Variants in RBFOX1 observed in about 807,000 individuals in gnomAD.
RBFOX1 encodes the protein RNA binding protein fox-1 homolog 1.
RBFOX1 carries 8 observed loss-of-function variants against 57.7 expected under a neutral mutation model. The observed-to-expected ratio is 0.14, with a 90% CI of 0.08 to 0.25. RBFOX1 has a LOEUF of 0.25. Among genes scored for constraint, RBFOX1 ranks in the 10% least tolerant of loss-of-function variants. The pLI is 1.00. For synonymous variants in RBFOX1, 326 were observed against 222.4 expected (o/e 1.47, Z -4.15); for missense variants, 611 against 548.5 (o/e 1.11, Z -1.14).
At chr16:6,939,172 C>G (rs945931066) in intron 3 of RBFOX1, among the ~76,000 whole-genome samples, 5 of 152,108 alleles carry the variant, frequency 3.3e-5, no homozygotes, top group African/African-American at 1.2e-4. Flanking sequence ...GGAATTAGAA[C>G]TCAGGCCAAT....
At chr16:6,411,241 C>G (rs908972317) in intron 2 of RBFOX1, among the ~76,000 whole-genome samples, 4 of 152,258 alleles carry the variant, frequency 2.6e-5, no homozygotes, top group African/African-American at 9.6e-5. Context: ...TGGGACCTCC[C>G]AAAGCATTGG....
At chr16:7,013,517 C>T (rs1001778861) in intron 3 of RBFOX1, among the ~76,000 whole-genome samples, 1 of 152,042 alleles carries the variant, frequency 6.6e-6, no homozygotes, top group South Asian at 2.1e-4. Context: ...CAGGACAGTC[C>T]CCAAAGCAAA....
intron 1 of RBFOX1, among the ~76,000 whole-genome samples, chr16:5,336,132 T>A (rs1298328434): frequency 2.0e-5 from 3 of 152,110 alleles, no homozygotes; most frequent in African/African-American, 7.2e-5. Context: ...GGCTCGGAGT[T>A]CATCTGTCTT....
chr16:7,464,251 T>C (rs2060085388), intron 4 of RBFOX1, among the ~76,000 whole-genome samples: 1 of 152,178 alleles, frequency 6.6e-6, no homozygotes, highest in African/African-American at 2.4e-5. Context: ...TATATAATGG[T>C]GGACAGTTTA....
chr16:7,389,356 G>C (rs2097949019), intron 4 of RBFOX1, among the ~76,000 whole-genome samples: 1 of 152,066 alleles, frequency 6.6e-6, no homozygotes, highest in Non-Finnish European at 1.5e-5. Context: ...AAACCCCTGG[G>C]CTCAGGTAGT....
chr16:6,797,007 C>G lies in RBFOX1; in HGVS notation c.-16+142357C>G, dbSNP rs369606444. Among the ~76,000 whole-genome samples, 18 of 152,250 alleles carry G rather than the reference C, an allele frequency of 1.2e-4. No individual in the cohort carries two copies. In the East Asian group the frequency reaches 2.9e-3, roughly 25 times the overall value. On this transcript the variant is annotated intron_variant, in intron 3 of 15. Transcript: ENST00000550418. ...GAAAACATAAGATGCCACGGGCAGT[C>G]TAAATGTCAAGATTTGGACTGCTGG...
intron 2 of RBFOX1, among the ~76,000 whole-genome samples, chr16:5,487,423 G>A (rs146318203): frequency 6.6e-6 from 1 of 152,336 alleles, no homozygotes; most frequent in African/African-American, 2.4e-5. Flanking sequence ...TCTTGCAGAA[G>A]CTGACAGCAC....
At chr16:5,524,721 A>C (rs2044170812) in intron 2 of RBFOX1, among the ~76,000 whole-genome samples, 11 of 151,760 alleles carry the variant, frequency 7.2e-5, no homozygotes, top group Admixed American at 7.2e-4. Flanking sequence ...TTGTATTTTT[A>C]GTAGAGACAG....
chr16:6,029,644 G>A (rs756224098), intron 1 of RBFOX1, among the ~76,000 whole-genome samples: 19 of 151,870 alleles, frequency 1.3e-4, no homozygotes, highest in Middle Eastern at 3.2e-3. Flanking sequence ...GTGGTGGCGG[G>A]TGCCTGTAGT....
chr16:5,699,978 G>A (rs990468550), intron 3 of RBFOX1, among the ~76,000 whole-genome samples: 7 of 152,080 alleles, frequency 4.6e-5, no homozygotes, highest in South Asian at 4.2e-4. Flanking sequence ...GACTACAGGC[G>A]CCCGCCACCA....
In RBFOX1 at chr16:6,019,269, C is replaced by G. The variant is rs1472118441; in HGVS notation, c.-850C>G. The G allele has an allele frequency of 1.0e-6, 1 of 985,408 alleles. No individual in the cohort carries two copies. Among genetic ancestry groups the G allele is most frequent in the Non-Finnish European group, 1.2e-6 (1 of 830,110 alleles). 61.0% of individuals were successfully genotyped at this position (985,408 alleles called of 1,614,324 possible). ...TCCCTCGATCACCCCAGCCCCCTTCCTGGTCTCCCGAGCGCGGGGTTTGAA... is the reference window on the plus strand; with the variant it reads ...TCCCTCGATCACCCCAGCCCCCTTCGTGGTCTCCCGAGCGCGGGGTTTGAA... On this transcript the variant is annotated 5_prime_UTR_variant, in exon 1 of 16. Coordinates refer to ENST00000550418, the MANE Select transcript of RBFOX1 (RefSeq NM_018723.4). This position sits in a 1 kb window ranked among gnomAD's most constrained non-coding sequence, Gnocchi z 4.2.
chr16:6,161,118 G>T lies in RBFOX1; in HGVS notation c.-127+141126G>T, dbSNP rs149334533. 5.4e-4 allele frequency among the ~76,000 whole-genome samples: 83 copies of T among 152,330 alleles called. 1 individual carries two copies. Among genetic ancestry groups the T allele is most frequent in the Non-Finnish European group, 1.0e-3 (70 of 68,034 alleles). ...GAGAAGTGATCACTGGCTGGGCACA[G>T]TGACTCATGCTTGTCATCCCAGCAC... On this transcript the variant is annotated intron_variant, in intron 1 of 15. Coordinates refer to ENST00000550418, the MANE Select transcript of RBFOX1 (RefSeq NM_018723.4).
chr16:7,137,197 C>T (rs1160987774), intron 4 of RBFOX1, among the ~76,000 whole-genome samples: 2 of 152,192 alleles, frequency 1.3e-5, no homozygotes, highest in Admixed American at 1.3e-4. Flanking sequence ...ACTGAGCTAG[C>T]TGGACTCTTC....
chr16:6,773,186 G>GTA (rs2078684974), intron 3 of RBFOX1, among the ~76,000 whole-genome samples: 1 of 143,092 alleles, frequency 7.0e-6, no homozygotes, highest in Non-Finnish European at 1.5e-5. Flanking sequence ...GTGTGTGTGT[G>GTA]GGCATGGGGT....
intron 4 of RBFOX1, among the ~76,000 whole-genome samples, chr16:7,345,296 G>A (rs1291639192): frequency 8.6e-5 from 13 of 152,046 alleles, no homozygotes; most frequent in African/African-American, 2.4e-4. Context: ...TTGTTTTGGC[G>A]AGCAGTGTAA....
At chr16:6,158,092 T>C (rs988270425) in intron 1 of RBFOX1, among the ~76,000 whole-genome samples, 1 of 152,176 alleles carries the variant, frequency 6.6e-6, no homozygotes, top group African/African-American at 2.4e-5. Context: ...TTCCCCGAGA[T>C]AAAACCCGAA....
At chr16:6,950,348 T>C (rs2080459764) in intron 3 of RBFOX1, among the ~76,000 whole-genome samples, 1 of 151,996 alleles carries the variant, frequency 6.6e-6, no homozygotes. Flanking sequence ...AGAATCACAG[T>C]TACTTGTGTG....
chr16:7,034,229 C>G (rs551539500), intron 3 of RBFOX1, among the ~76,000 whole-genome samples: 150 of 152,272 alleles, frequency 9.9e-4, no homozygotes, highest in African/African-American at 3.5e-3. Flanking sequence ...TTTAGCCTCT[C>G]TCCATCTCAG....
chr16:6,900,904 C>T (rs192557169), intron 3 of RBFOX1, among the ~76,000 whole-genome samples: 1 of 152,160 alleles, frequency 6.6e-6, no homozygotes, highest in Non-Finnish European at 1.5e-5. Context: ...TGCTAGATCC[C>T]CAGCATTTTG....
Sources: allele counts gnomAD v4.1 joint callset (sites outside exome capture counted in the v4.1 genomes callset), GRCh38; gene constraint gnomAD v4.1.1; non-coding constraint Gnocchi (gnomAD v3.1); transcripts MANE v1.5; gene names NCBI Gene and HGNC (gene_info 2026-07-23, HGNC 2026-07-21).